Variants in CNTNAP2 observed in about 807,000 individuals in gnomAD.
CNTNAP2 encodes contactin associated protein 2.
Under a neutral mutation model 155.2 loss-of-function variants are expected in CNTNAP2, and 98 were observed. The observed-to-expected ratio is 0.63, with a 90% CI of 0.54 to 0.75. CNTNAP2 has a LOEUF of 0.75. Ranked by LOEUF, CNTNAP2 falls within the 30% of genes least tolerant of loss-of-function variation. The pLI is 0.00. For synonymous variants in CNTNAP2, 651 were observed against 631.2 expected (o/e 1.03, Z -0.47); for missense variants, 1,727 against 1,688.1 (o/e 1.02, Z -0.40).
At chr7:147,891,330 G>A (rs1043458797) in intron 13 of CNTNAP2, among the ~76,000 whole-genome samples, 10 of 151,918 alleles carry the variant, frequency 6.6e-5, no homozygotes, top group South Asian at 4.1e-4. Flanking sequence ...GCGGCCTCCC[G>A]AGTAGCTGGG....
rs150082747 is a variant in CNTNAP2 at position 147,189,783 on chromosome 7, C to G, written c.1348+57274C>G. 9.3e-3 allele frequency among the ~76,000 whole-genome samples: 1,421 copies of G among 152,138 alleles called. 19 individuals carry two copies. Among genetic ancestry groups the G allele is most frequent in the African/African-American group, 0.032 (1,338 of 41,510 alleles). On this transcript the variant is annotated intron_variant, in intron 8 of 23. Coordinates refer to ENST00000361727, the MANE Select transcript of CNTNAP2 (RefSeq NM_014141.6). ...TTGTTGAGACGGAGTCTCACTCTGT[C>G]GCCCAGGCTGGAGTGCAGTGGCGCG...
At chr7:146,824,904 T>C (rs1028897817) in intron 2 of CNTNAP2, among the ~76,000 whole-genome samples, 1 of 151,076 alleles carries the variant, frequency 6.6e-6, no homozygotes, top group African/African-American at 2.4e-5. Flanking sequence ...TTTCTCTACA[T>C]TGTCATTTTA....
intron 8 of CNTNAP2, among the ~76,000 whole-genome samples, chr7:147,176,720 ATATTATATATAAT>A (rs1450672156): frequency 1.0e-5 from 1 of 96,640 alleles, no homozygotes; most frequent in Non-Finnish European, 2.2e-5. Flanking sequence ...ATAGAATTAT[ATATTATATATAAT>A]AGAATTATAA....
intron 14 of CNTNAP2, among the ~76,000 whole-genome samples, chr7:147,975,434 A>G (rs1369457874): frequency 1.3e-5 from 2 of 149,778 alleles, no homozygotes; most frequent in Non-Finnish European, 3.0e-5. Context: ...TCAGATTTTC[A>G]TGATCATTAT....
At chr7:146,516,672 AG>A (rs757170981) in intron 1 of CNTNAP2, among the ~76,000 whole-genome samples, 3 of 151,998 alleles carry the variant, frequency 2.0e-5, no homozygotes, top group Non-Finnish European at 4.4e-5. Context: ...GAAGAGAAAA[AG>A]TCATCTGGCC....
intron 21 of CNTNAP2, among the ~76,000 whole-genome samples, chr7:148,382,746 A>G (rs1799095473): frequency 6.6e-6 from 1 of 152,208 alleles, no homozygotes; most frequent in South Asian, 2.1e-4. Flanking sequence ...TGCCGCTGGA[A>G]TTATCTTTCT....
intron 3 of CNTNAP2, among the ~76,000 whole-genome samples, chr7:146,936,082 C>G (rs764920376): frequency 6.6e-6 from 1 of 152,144 alleles, no homozygotes; most frequent in Non-Finnish European, 1.5e-5. Flanking sequence ...GAATGAGGTG[C>G]TAAGACCGGA....
In CNTNAP2 at chr7:147,127,232, T is replaced by G. The variant is rs546583130; in HGVS notation, c.940-1461T>G. On this transcript the variant is annotated intron_variant, in intron 6 of 23. Coordinates refer to ENST00000361727, the MANE Select transcript of CNTNAP2 (RefSeq NM_014141.6). ...TCCCAATAATTCTACTTTAGATTACTATTTCTTCTTTGTAGTTTTCTGATT... is the reference window on the plus strand; with the variant it reads ...TCCCAATAATTCTACTTTAGATTACGATTTCTTCTTTGTAGTTTTCTGATT... Among the ~76,000 whole-genome samples, 6 of 152,330 alleles carry G rather than the reference T, an allele frequency of 3.9e-5. No individual in the cohort carries two copies. The South Asian group carries it at 1.2e-3, about 32-fold the overall frequency.
At chr7:147,890,058 A>C (rs780789026) in intron 13 of CNTNAP2, among the ~76,000 whole-genome samples, 1 of 152,208 alleles carries the variant, frequency 6.6e-6, no homozygotes, top group Non-Finnish European at 1.5e-5. Context: ...CTTAAAGCAA[A>C]ACATATAATT....
chr7:147,839,321 C>A (rs912681217), intron 13 of CNTNAP2, among the ~76,000 whole-genome samples: 1 of 152,076 alleles, frequency 6.6e-6, no homozygotes, highest in African/African-American at 2.4e-5. Flanking sequence ...AGTTGACACT[C>A]AGTATTAACC....
intron 3 of CNTNAP2, among the ~76,000 whole-genome samples, chr7:146,888,130 A>G (rs1389117156): frequency 2.6e-5 from 4 of 152,084 alleles, no homozygotes; most frequent in African/African-American, 7.2e-5. Context: ...TTCTTACTCA[A>G]ACAGAGTTCC....
Position 146,790,879 on chromosome 7 carries a change from G to A in CNTNAP2, c.208+16498G>A, listed in dbSNP as rs180679541. ...CCACCACGCCTGGCCGATTTGGTCAGTGATTTCTATGCAGGGGCCTGGAGA... is the reference window on the plus strand; with the variant it reads ...CCACCACGCCTGGCCGATTTGGTCAATGATTTCTATGCAGGGGCCTGGAGA... On this transcript the variant is annotated intron_variant, in intron 2 of 23. Transcript: ENST00000361727. Among the ~76,000 whole-genome samples, 708 of 151,652 alleles carry A rather than the reference G, an allele frequency of 4.7e-3. 2 individuals carry two copies. The highest frequency in any genetic ancestry group is 7.8e-3 in the Non-Finnish European group (527 of 67,884).
intron 1 of CNTNAP2, among the ~76,000 whole-genome samples, chr7:146,577,355 C>A (rs1798541223): frequency 6.6e-6 from 1 of 151,984 alleles, no homozygotes; most frequent in Admixed American, 6.6e-5. Flanking sequence ...ATACACATTC[C>A]TTTAAAAATA....
chr7:146,851,688 G>C (rs1401592019), intron 3 of CNTNAP2, among the ~76,000 whole-genome samples: 2 of 146,148 alleles, frequency 1.4e-5, no homozygotes, highest in Non-Finnish European at 3.0e-5. Context: ...GTGTGTGTGT[G>C]TGTGTGTGTG....
At chr7:147,950,359 A>G (rs1239415595) in intron 14 of CNTNAP2, among the ~76,000 whole-genome samples, 4 of 107,308 alleles carry the variant, frequency 3.7e-5, no homozygotes, top group Admixed American at 2.1e-4. Flanking sequence ...ATACACATAG[A>G]GAGGCAAAAA....
At position 148,383,838 on chromosome 7, in the gene CNTNAP2, C is replaced by T. The variant is rs781709263; in HGVS notation, c.3665C>T (p.Ser1222Phe). Residue 1222 changes from serine to phenylalanine, a missense_variant, in exon 22 of 24, where the codon TCC becomes TTC. By Grantham distance (155) the Ser-to-Phe change is radical. Transcript: ENST00000361727. ...SNCGASPLTL[S>F]PMSSATDPWH... Reference sequence around the variant, plus strand: ...TGCGGGGCCTCGCCGCTGACCCTCTCCCCCATGTCGTCCGCCACCGACCCC... The same window carrying T: ...TGCGGGGCCTCGCCGCTGACCCTCTTCCCCATGTCGTCCGCCACCGACCCC... 3.7e-6 allele frequency: 6 copies of T among 1,614,068 alleles called. No individual in the cohort carries two copies. Among genetic ancestry groups the T allele is most frequent in the Admixed American group, 3.3e-5 (2 of 60,024 alleles).
At chr7:146,691,822 AAC>A (rs1219201029) in intron 1 of CNTNAP2, among the ~76,000 whole-genome samples, 4 of 152,114 alleles carry the variant, frequency 2.6e-5, no homozygotes, top group African/African-American at 9.7e-5. Flanking sequence ...TAAATTGTTT[AAC>A]CTGTAAATTC....
chr7:147,812,382 A>T (rs956491961), intron 13 of CNTNAP2, among the ~76,000 whole-genome samples: 4 of 152,150 alleles, frequency 2.6e-5, no homozygotes, highest in African/African-American at 9.7e-5. Context: ...CTCTTGAAAG[A>T]TCATTTACCT....
chr7:147,610,298 GT>G (rs11347312), intron 12 of CNTNAP2, among the ~76,000 whole-genome samples: 60,516 of 151,684 alleles, frequency 0.4, 12,126 homozygotes, highest in Admixed American at 0.44. Context: ...TTTTCAAGTG[GT>G]TTTTTTTCTT....
Sources: allele counts gnomAD v4.1 joint callset (sites outside exome capture counted in the v4.1 genomes callset), GRCh38; gene constraint gnomAD v4.1.1; transcripts MANE v1.5; gene names NCBI Gene and HGNC (gene_info 2026-07-23, HGNC 2026-07-21).